The following CSMD1 variants were observed in gnomAD, a reference collection of about 807,000 sequenced individuals.
The protein encoded by CSMD1 is CUB and Sushi multiple domains 1, also known as CUB and sushi domain-containing protein 1.
A neutral mutation model predicts 417.5 loss-of-function variants in CSMD1; 213 were observed. The observed-to-expected ratio is 0.51, with a 90% confidence interval of 0.46 to 0.57. CSMD1 has a LOEUF of 0.57. Among genes scored for constraint, CSMD1 ranks in the 20% least tolerant of loss-of-function variants. CSMD1 has a pLI of 0.00. For synonymous variants in CSMD1, 2,862 were observed against 1,736.8 expected (o/e 1.65, Z -16.11); for missense variants, 6,923 against 4,529.7 (o/e 1.53, Z -15.17).
At position 4,969,304 on chromosome 8, in the gene CSMD1, A is replaced by G. The variant is rs752541186; in HGVS notation, c.85+25028T>C. 5.3e-5 allele frequency among the ~76,000 whole-genome samples: 8 copies of G among 152,120 alleles called. No individual in the cohort carries two copies. The South Asian group carries it at 1.0e-3, about 20-fold the overall frequency. On this transcript the variant is annotated intron_variant, in intron 1 of 69. Coordinates refer to ENST00000635120, the MANE Select transcript of CSMD1 (RefSeq NM_033225.6). ...AATTTGCTAGGGCAAAATATTTTAC[A>G]TAGACATTATTAAATATCAGAATAT... is the stretch of plus-strand genomic sequence containing the variant.
chr8:3,476,977 C>T (rs34993022), intron 11 of CSMD1, among the ~76,000 whole-genome samples: 97,124 of 150,288 alleles, frequency 0.65, 32,128 homozygotes, highest in Middle Eastern at 0.78. Flanking sequence ...GGGAGCCTGT[C>T]AACACAAAGG....
chr8:3,823,429 A>G (rs529354054), intron 5 of CSMD1, among the ~76,000 whole-genome samples: 114 of 152,322 alleles, frequency 7.5e-4, no homozygotes, highest in Non-Finnish European at 1.5e-3. Flanking sequence ...CTTATGCAAA[A>G]TTTAGGAAAG....
intron 3 of CSMD1, among the ~76,000 whole-genome samples, chr8:4,350,529 G>C (rs912923350): frequency 1.3e-5 from 2 of 152,250 alleles, no homozygotes; most frequent in African/African-American, 4.8e-5. Flanking sequence ...GCCTGAAGGA[G>C]GTAGGAATGG....
chr8:3,591,994 A>T (rs1415155703), intron 8 of CSMD1, among the ~76,000 whole-genome samples: 3 of 152,120 alleles, frequency 2.0e-5, no homozygotes, highest in Non-Finnish European at 2.9e-5. Flanking sequence ...TAGATAAAAG[A>T]CGGATGGATA....
At chr8:4,231,490 G>T (rs541228662) in intron 3 of CSMD1, among the ~76,000 whole-genome samples, 1 of 150,116 alleles carries the variant, frequency 6.7e-6, no homozygotes, top group African/African-American at 2.5e-5. Flanking sequence ...GCTCTCTCAC[G>T]CCCTTCAATT....
At chr8:3,256,934 T>C (rs1313124071) in intron 26 of CSMD1, among the ~76,000 whole-genome samples, 1 of 152,260 alleles carries the variant, frequency 6.6e-6, no homozygotes, top group Non-Finnish European at 1.5e-5. Flanking sequence ...AACAAAATTT[T>C]ACATTATCTA....
chr8:3,811,765 G>A (rs970205030), intron 5 of CSMD1, among the ~76,000 whole-genome samples: 6 of 152,118 alleles, frequency 3.9e-5, no homozygotes, highest in Admixed American at 3.9e-4. Context: ...ATGGACAATA[G>A]CTGAGTGAGA....
At chr8:4,100,748 G>A (rs552434269) in intron 3 of CSMD1, among the ~76,000 whole-genome samples, 9 of 152,148 alleles carry the variant, frequency 5.9e-5, no homozygotes, top group African/African-American at 9.6e-5. Context: ...GGAGCTGCAG[G>A]GGACTACATA....
chr8:4,253,374 A>AT (rs35703387), intron 3 of CSMD1, among the ~76,000 whole-genome samples: 13,508 of 151,992 alleles, frequency 0.089, 770 homozygotes, highest in East Asian at 0.17. Flanking sequence ...ATTTAAATGC[A>AT]TTTTTTTCAT....
chr8:3,365,935 G>A (rs977181898), intron 20 of CSMD1, among the ~76,000 whole-genome samples: 2 of 152,190 alleles, frequency 1.3e-5, no homozygotes, highest in Non-Finnish European at 2.9e-5. Context: ...AGTGGGGCAA[G>A]CAAACTTTCT....
At chr8:3,048,463 A>G (rs971907393) in intron 50 of CSMD1, among the ~76,000 whole-genome samples, 6 of 152,196 alleles carry the variant, frequency 3.9e-5, no homozygotes, top group African/African-American at 1.4e-4. Flanking sequence ...CGAGCAGAAG[A>G]GCAAACACAA....
Position 3,214,505 on chromosome 8 carries a change from G to A in CSMD1, c.4859C>T (p.Ser1620Phe), listed in dbSNP as rs776389409. The change falls in exon 30 of 70, where the codon TCC (serine) becomes TTC (phenylalanine). Residue 1620 changes from serine to phenylalanine, a missense_variant. Transcript: ENST00000635120. The part of the protein sequence containing the change: ...GKPSWDQVLP[S>F]CNAPCGGQYT... ...CCCAAGCGTGCACTCACCATTGCAG[G>A]AGGGCAGCACTTGGTCCCAGGAGGG... is the stretch of plus-strand genomic sequence containing the variant. 1.3e-6 allele frequency: 2 copies of A among 1,593,208 alleles called. No individual in the cohort carries two copies. Among genetic ancestry groups the A allele is most frequent in the African/African-American group, 2.7e-5 (2 of 74,482 alleles).
chr8:3,145,556 C>T (rs900528012), intron 40 of CSMD1, among the ~76,000 whole-genome samples: 2 of 151,978 alleles, frequency 1.3e-5, no homozygotes, highest in Non-Finnish European at 2.9e-5. Context: ...ATATTGTGAG[C>T]AAAATTACCA....
Position 4,100,619 on chromosome 8 carries a change from T to C in CSMD1, c.416-68520A>G, listed in dbSNP as rs189911661. ...AGCTCAAAATATACAGTTTCCACCG[T>C]GATAATGGGGATAAGTATGTCCATC... On this transcript the variant is annotated intron_variant, in intron 3 of 69. Coordinates refer to ENST00000635120, the MANE Select transcript of CSMD1 (RefSeq NM_033225.6). Among the ~76,000 whole-genome samples the C allele has an allele frequency of 7.2e-5, 11 of 152,152 alleles. No individual in the cohort carries two copies. In the East Asian group the frequency reaches 1.7e-3, roughly 24 times the overall value.
chr8:4,090,228 G>C (rs1455317906), intron 3 of CSMD1, among the ~76,000 whole-genome samples: 2 of 152,088 alleles, frequency 1.3e-5, no homozygotes, highest in Non-Finnish European at 1.5e-5. Flanking sequence ...TTTTTGGCTT[G>C]TTTTTGAGAA....
At chr8:3,809,612 A>C (rs1420391457) in intron 5 of CSMD1, among the ~76,000 whole-genome samples, 1 of 152,138 alleles carries the variant, frequency 6.6e-6, no homozygotes, top group East Asian at 1.9e-4. Context: ...AGAGTGTCTA[A>C]TTCAGTCTGT....
At chr8:4,141,705 A>C (rs1446543833) in intron 3 of CSMD1, among the ~76,000 whole-genome samples, 2 of 151,110 alleles carry the variant, frequency 1.3e-5, no homozygotes, top group African/African-American at 2.5e-5. Flanking sequence ...AGAGCAGGCA[A>C]TTCTGATCTA....
chr8:3,208,633 G>C (rs931574468), intron 30 of CSMD1, among the ~76,000 whole-genome samples: 5 of 152,122 alleles, frequency 3.3e-5, no homozygotes, highest in African/African-American at 4.8e-5. Context: ...TATTGATCCT[G>C]GGTATGTCTG....
intron 1 of CSMD1, among the ~76,000 whole-genome samples, chr8:4,721,390 A>C (rs983103158): frequency 6.6e-6 from 1 of 152,180 alleles, no homozygotes; most frequent in African/African-American, 2.4e-5. Flanking sequence ...AGAATCATCA[A>C]ATATAAAAAA....
Sources: gnomAD v4.1 joint callset for allele counts (sites outside exome capture counted in the v4.1 genomes callset) on GRCh38, gnomAD v4.1.1 for gene constraint, MANE v1.5 for transcripts, NCBI Gene and HGNC (gene_info 2026-07-23, HGNC 2026-07-21) for gene names.